Variants in CNGB3 observed in about 807,000 individuals in gnomAD.
CNGB3 encodes cyclic nucleotide-gated channel beta-3.
In CNGB3, 86 loss-of-function variants were observed where a neutral mutation model predicts 92.8. That is an observed-to-expected ratio of 0.93 (90% confidence interval 0.78 to 1.11). The LOEUF is 1.11. Ranked by LOEUF, CNGB3 falls within the 50% of genes least tolerant of loss-of-function variation. The probability of loss-of-function intolerance (pLI) is 0.00; values close to 1 mark genes in which losing one functional copy is unlikely to be tolerated. For missense variants in CNGB3, 1,026 were observed against 956.8 expected, an observed-to-expected ratio of 1.07 and a Z score of -0.95; for synonymous variants, 333 against 332.7, an observed-to-expected ratio of 1.00 and a Z score of -0.01.
chr8:86,624,143 G>A (rs1054758976), intron 13 of CNGB3, among the ~76,000 whole-genome samples: 1 of 152,248 alleles, frequency 6.6e-6, no homozygotes, highest in African/African-American at 2.4e-5. Flanking sequence ...AGATGACTGG[G>A]CGCAGTGGCT....
intron 15 of CNGB3, among the ~76,000 whole-genome samples, chr8:86,586,030 TG>T (rs1219982051): frequency 6.6e-6 from 1 of 152,224 alleles, no homozygotes; most frequent in Non-Finnish European, 1.5e-5. Flanking sequence ...AGTACTTTTT[TG>T]GATGCATCCA....
intron 3 of CNGB3, among the ~76,000 whole-genome samples, chr8:86,721,345 A>G (rs1824968377): frequency 6.6e-6 from 1 of 152,142 alleles, no homozygotes; most frequent in African/African-American, 2.4e-5. Context: ...ATTCTCACTT[A>G]TAAGTAGGAG....
chr8:86,581,750 C>T (rs1337355439), intron 15 of CNGB3, among the ~76,000 whole-genome samples: 4 of 152,088 alleles, frequency 2.6e-5, no homozygotes, highest in Non-Finnish European at 5.9e-5. Context: ...CCCACCAAGT[C>T]TCCTATATAA....
At chr8:86,676,116 T>C (rs1055454099) in intron 3 of CNGB3, among the ~76,000 whole-genome samples, 2 of 152,212 alleles carry the variant, frequency 1.3e-5, no homozygotes, top group African/African-American at 4.8e-5. Flanking sequence ...ATCTTGAAAT[T>C]GGTTCTTTTA....
intron 3 of CNGB3, among the ~76,000 whole-genome samples, chr8:86,694,669 G>A (rs557321363): frequency 1.1e-3 from 169 of 151,228 alleles, no homozygotes; most frequent in Non-Finnish European, 1.9e-3. Flanking sequence ...ATGGGGCGGC[G>A]GGGTAGAGGC....
At chr8:86,656,168 T>C (rs1026586854) in intron 6 of CNGB3, among the ~76,000 whole-genome samples, 4 of 152,318 alleles carry the variant, frequency 2.6e-5, no homozygotes, top group Middle Eastern at 3.4e-3. Flanking sequence ...TGGGTAGACA[T>C]AGATACGGCT....
At chr8:86,699,698 A>G (rs1388808804) in intron 3 of CNGB3, among the ~76,000 whole-genome samples, 2 of 152,224 alleles carry the variant, frequency 1.3e-5, no homozygotes, top group Non-Finnish European at 2.9e-5. Flanking sequence ...TAGTTTGGAT[A>G]GAAATTTAAT....
At chr8:86,740,391 A>G (rs560923297) in intron 1 of CNGB3, among the ~76,000 whole-genome samples, 5 of 152,350 alleles carry the variant, frequency 3.3e-5, no homozygotes, top group African/African-American at 9.6e-5. Flanking sequence ...GGTCAATTCT[A>G]CTGGAGTAGA....
intron 15 of CNGB3, among the ~76,000 whole-genome samples, chr8:86,584,107 A>C (rs1465685927): frequency 6.6e-6 from 1 of 152,158 alleles, no homozygotes; most frequent in African/African-American, 2.4e-5. Context: ...AATACAAGGG[A>C]AATAAATTTT....
rs759584325 is a variant in CNGB3 at position 86,578,741 on chromosome 8, C to T, written c.2051G>A (p.Gly684Glu). The T allele has an allele frequency of 1.2e-6, 2 of 1,613,890 alleles. No individual in the cohort carries two copies. The highest frequency in any genetic ancestry group is 1.7e-6 in the Non-Finnish European group (2 of 1,179,982). Residue 684 changes from glycine to glutamate, a missense_variant, in exon 17 of 18, where the codon GGA (glycine) becomes GAA (glutamate). By Grantham distance (98) the Gly-to-Glu change is moderately conservative. Transcript: ENST00000320005. ...GAGTAGTCTTGCAAGACTTGCTTTTCCTGTGCCTCCTAGGAGAGTTTTAAA... is the reference window on the plus strand; with the variant it reads ...GAGTAGTCTTGCAAGACTTGCTTTTTCTGTGCCTCCTAGGAGAGTTTTAAA... ...KLFKTLLGGT[G>E]KASLARLLKL...
intron 3 of CNGB3, among the ~76,000 whole-genome samples, chr8:86,706,961 A>C (rs1586028399): frequency 1.3e-5 from 2 of 152,316 alleles, no homozygotes; most frequent in East Asian, 3.9e-4. Flanking sequence ...TTTTGTGATA[A>C]AAATATTATA....
At chr8:86,591,941 C>G (rs867113266) in intron 15 of CNGB3, among the ~76,000 whole-genome samples, 1 of 152,216 alleles carries the variant, frequency 6.6e-6, no homozygotes, top group Non-Finnish European at 1.5e-5. Context: ...CCCCCAGCCT[C>G]GCTGCCACCT....
intron 15 of CNGB3, among the ~76,000 whole-genome samples, chr8:86,601,872 A>G (rs139753301): frequency 9.2e-5 from 14 of 152,304 alleles, no homozygotes; most frequent in African/African-American, 3.1e-4. Context: ...ACTGGTTTCA[A>G]TTTGGCCTTA....
At chr8:86,683,404 T>C (rs1824120773) in intron 3 of CNGB3, among the ~76,000 whole-genome samples, 1 of 152,040 alleles carries the variant, frequency 6.6e-6, no homozygotes, top group Admixed American at 6.6e-5. Context: ...TTCAAACCAC[T>C]AAATGAAGGA....
chr8:86,671,237 C>T (rs1441242), intron 3 of CNGB3, 139 bp from the exon 4 acceptor site: 745,870 of 896,516 alleles, frequency 0.83, 314,364 homozygotes, highest in East Asian at 1. Context: ...ACAATTCAAA[C>T]ATTAGGTTTA....
At chr8:86,732,801 C>A (rs1328804422) in intron 2 of CNGB3, among the ~76,000 whole-genome samples, 1 of 152,176 alleles carries the variant, frequency 6.6e-6, no homozygotes, top group Non-Finnish European at 1.5e-5. Context: ...TATCAGGTAT[C>A]ATTTTAAAAG....
At chr8:86,607,051 A>G (rs1453908160) in intron 14 of CNGB3, among the ~76,000 whole-genome samples, 1 of 152,232 alleles carries the variant, frequency 6.6e-6, no homozygotes, top group Non-Finnish European at 1.5e-5. Context: ...AGTAATTCTC[A>G]AGGAACTGGA....
chr8:86,601,569 G>C (rs148433493), intron 15 of CNGB3, among the ~76,000 whole-genome samples: 239 of 151,634 alleles, frequency 1.6e-3, no homozygotes, highest in African/African-American at 5.7e-3. Context: ...CTACATGATA[G>C]TGCTGGATTT....
chr8:86,741,719 T>C (rs1168437478), intron 1 of CNGB3, among the ~76,000 whole-genome samples: 2 of 152,126 alleles, frequency 1.3e-5, no homozygotes, highest in African/African-American at 4.8e-5. Flanking sequence ...TCGCGATTAA[T>C]ATCCACAAAT....
Sources: gnomAD v4.1 joint callset for allele counts (sites outside exome capture counted in the v4.1 genomes callset) on GRCh38, gnomAD v4.1.1 for gene constraint, MANE v1.5 for transcripts, NCBI Gene and HGNC (gene_info 2026-07-23, HGNC 2026-07-21) for gene names.